RBFOX1: variants seen among roughly 807,000 people sequenced by gnomAD.
RBFOX1 encodes RNA binding fox-1 homolog 1, also known as RNA binding protein fox-1 homolog 1.
In RBFOX1, 8 loss-of-function variants were observed where a neutral mutation model predicts 57.7. The observed-to-expected ratio is 0.14, with a 90% CI of 0.08 to 0.25. RBFOX1 has a LOEUF of 0.25. Among genes scored for constraint, RBFOX1 ranks in the 10% least tolerant of loss-of-function variants. RBFOX1 has a pLI of 1.00. For missense variants in RBFOX1, 611 were observed against 548.5 expected (o/e 1.11, Z -1.14); for synonymous variants, 326 against 222.4 (o/e 1.47, Z -4.15).
At chr16:6,989,997 G>C (rs1043809089) in intron 3 of RBFOX1, among the ~76,000 whole-genome samples, 2 of 152,038 alleles carry the variant, frequency 1.3e-5, no homozygotes, top group Non-Finnish European at 2.9e-5. Context: ...GCGAGACTCT[G>C]TTTCACACAA....
chr16:7,382,998 C>G (rs2097804902), intron 4 of RBFOX1, among the ~76,000 whole-genome samples: 1 of 152,096 alleles, frequency 6.6e-6, no homozygotes, highest in Admixed American at 6.6e-5. Context: ...GTTCATTAAA[C>G]TTGACATATG....
At chr16:5,391,806 A>G (rs1411572318) in intron 1 of RBFOX1, among the ~76,000 whole-genome samples, 1 of 151,710 alleles carries the variant, frequency 6.6e-6, no homozygotes, top group Non-Finnish European at 1.5e-5. Context: ...GGATAAAGAA[A>G]CTATGGTGTG....
intron 3 of RBFOX1, among the ~76,000 whole-genome samples, chr16:6,942,749 C>A (rs971004161): frequency 2.6e-5 from 4 of 152,228 alleles, no homozygotes; most frequent in South Asian, 2.1e-4. Flanking sequence ...GAGAGACAGA[C>A]TCACAAGCAG....
chr16:6,100,350 G>A (rs927016844), intron 1 of RBFOX1, among the ~76,000 whole-genome samples: 2 of 152,168 alleles, frequency 1.3e-5, no homozygotes, highest in Non-Finnish European at 2.9e-5. Context: ...TTTTAGTAGA[G>A]ACGGGGTTTC....
intron 3 of RBFOX1, among the ~76,000 whole-genome samples, chr16:5,857,909 C>G (rs554099142): frequency 6.6e-6 from 1 of 151,888 alleles, no homozygotes; most frequent in African/African-American, 2.4e-5. Context: ...TTTGCACTGC[C>G]GTACTCCAGC....
chr16:7,041,303 A>C (rs539892641), intron 3 of RBFOX1, among the ~76,000 whole-genome samples: 3 of 151,938 alleles, frequency 2.0e-5, no homozygotes, highest in African/African-American at 7.2e-5. Flanking sequence ...CTGCTTTTCC[A>C]CCATAATGGG....
At chr16:6,109,712 G>C (rs112229790) in intron 1 of RBFOX1, among the ~76,000 whole-genome samples, 2,141 of 152,154 alleles carry the variant, frequency 0.014, 56 homozygotes, top group African/African-American at 0.049. Flanking sequence ...TACTTGACTG[G>C]GGATAGTAGA....
At chr16:6,814,527 G>T (rs6500841) in intron 3 of RBFOX1, among the ~76,000 whole-genome samples, 105,523 of 152,024 alleles carry the variant, frequency 0.69, 37,657 homozygotes, top group African/African-American at 0.87. Context: ...AATTAATAAT[G>T]ACAATCCTTA....
intron 1 of RBFOX1, among the ~76,000 whole-genome samples, chr16:6,045,242 C>T (rs977545012): frequency 6.6e-6 from 1 of 152,204 alleles, no homozygotes; most frequent in Non-Finnish European, 1.5e-5. Context: ...TGCTGCTGAC[C>T]TGTGGAACAC....
intron 3 of RBFOX1, among the ~76,000 whole-genome samples, chr16:6,737,635 T>A (rs1416431837): frequency 6.6e-6 from 1 of 152,148 alleles, no homozygotes; most frequent in Non-Finnish European, 1.5e-5. Context: ...TAAATACAGT[T>A]GGGAAGAGTG....
At chr16:5,664,837 C>T (rs1202816859) in intron 3 of RBFOX1, among the ~76,000 whole-genome samples, 1 of 152,186 alleles carries the variant, frequency 6.6e-6, no homozygotes, top group East Asian at 1.9e-4. Context: ...TCATTGTTCT[C>T]AGAATGCAAT....
At chr16:7,566,299 ATTCACCCACCTCACTGCTC>A (rs2091674927) in intron 5 of RBFOX1, among the ~76,000 whole-genome samples, 1 of 152,112 alleles carries the variant, frequency 6.6e-6, no homozygotes, top group Non-Finnish European at 1.5e-5. Flanking sequence ...CTAGGGCCTC[ATTCACCCACCTCACTGCTC>A]TGTTTCCAGC....
intron 1 of RBFOX1, among the ~76,000 whole-genome samples, chr16:6,215,482 A>C (rs1338845839): frequency 1.3e-5 from 2 of 150,286 alleles, no homozygotes; most frequent in African/African-American, 2.4e-5. Flanking sequence ...GAGGGAGAGA[A>C]GGAGACAGAG....
chr16:5,366,114 C>T (rs116863875), intron 1 of RBFOX1: 7 of 457,742 alleles, frequency 1.5e-5, no homozygotes, highest in South Asian at 6.8e-5. Context: ...TGGTTCAGGG[C>T]GAGTGCATGC....
chr16:7,359,370 A>C (rs546489801), intron 4 of RBFOX1, among the ~76,000 whole-genome samples: 1 of 150,198 alleles, frequency 6.7e-6, no homozygotes, highest in South Asian at 2.1e-4. Flanking sequence ...TTGTGTGTAT[A>C]TCTGTGTATA....
At chr16:5,943,803 A>T (rs1597891337) in intron 4 of RBFOX1, among the ~76,000 whole-genome samples, 1 of 152,010 alleles carries the variant, frequency 6.6e-6, no homozygotes, top group African/African-American at 2.4e-5. Context: ...TTATCTATTC[A>T]CCCACCTACC....
At chr16:6,350,485 A>AAAAAAAAAAAAAAAC (rs1599930399) in intron 2 of RBFOX1, among the ~76,000 whole-genome samples, 2 of 108,648 alleles carry the variant, frequency 1.8e-5, no homozygotes, top group East Asian at 4.9e-4. Flanking sequence ...AAAAAAAAAA[A>AAAAAAAAAAAAAAAC]AAAAAAAAAA....
At chr16:5,712,084 G>C (rs2051508137) in intron 3 of RBFOX1, among the ~76,000 whole-genome samples, 1 of 152,218 alleles carries the variant, frequency 6.6e-6, no homozygotes, top group South Asian at 2.1e-4. Context: ...AGAGAGAGAA[G>C]TGAAGGGGGA....
intron 4 of RBFOX1, among the ~76,000 whole-genome samples, chr16:7,149,227 C>G (rs2075646977): frequency 6.6e-6 from 1 of 152,122 alleles, no homozygotes; most frequent in Non-Finnish European, 1.5e-5. Context: ...GCTGGACTTC[C>G]TGGTGCTGTT....
Sources: gnomAD v4.1 joint callset for allele counts (sites outside exome capture counted in the v4.1 genomes callset) on GRCh38, gnomAD v4.1.1 for gene constraint, MANE v1.5 for transcripts, NCBI Gene and HGNC (gene_info 2026-07-23, HGNC 2026-07-21) for gene names.